NFXL1: variants seen among roughly 807,000 people sequenced by gnomAD.
NFXL1 encodes the protein NF-X1-type zinc finger protein NFXL1.
Under a neutral mutation model 123.3 loss-of-function variants are expected in NFXL1, and 66 were observed. That is an observed-to-expected ratio of 0.54 (90% CI 0.44 to 0.66). NFXL1 has a LOEUF of 0.66. Ranked by LOEUF, NFXL1 falls within the 30% of genes least tolerant of loss-of-function variation. The pLI, the probability that NFXL1 is intolerant of heterozygous loss-of-function variation, is 0.00. For synonymous variants in NFXL1, 346 were observed against 360.8 expected, an observed-to-expected ratio of 0.96 and a Z score of 0.46; for missense variants, 944 against 1,125.6, an observed-to-expected ratio of 0.84 and a Z score of 2.31.
chr4:47,895,412 A>C (rs1737026989), intron 10 of NFXL1, among the ~76,000 whole-genome samples: 1 of 152,212 alleles, frequency 6.6e-6, no homozygotes, highest in African/African-American at 2.4e-5. Context: ...CTCAGTTGAA[A>C]ATCTTTTGTT....
intron 5 of NFXL1, among the ~76,000 whole-genome samples, 157 bp downstream of exon 5, chr4:47,903,036 T>C (rs1319874674): frequency 6.6e-6 from 1 of 152,060 alleles, no homozygotes; most frequent in Non-Finnish European, 1.5e-5. Flanking sequence ...GTGCCTATAA[T>C]CCCAGCTACT....
Position 47,903,282 on chromosome 4 carries a change from G to C in NFXL1, c.558C>G (p.Pro186=). ...TGTCTTTAGCCCACTTCTGGATACA[G>C]GGCATGTGAAATATACAGAAACATC... ...CSGCFCIFHM[P]CIQKWAKDSQ... The change falls in exon 5 of 23, where the codon CCC becomes CCG. Residue 186 remains proline (P), a synonymous_variant. Coordinates refer to ENST00000507489, the MANE Select transcript of NFXL1 (RefSeq NM_001278624.2). 4 of 1,594,434 alleles carry C rather than the reference G, an allele frequency of 2.5e-6. No individual in the cohort carries two copies. The highest frequency in any genetic ancestry group is 3.4e-6 in the Non-Finnish European group (4 of 1,169,722).
intron 8 of NFXL1, 32 bp downstream of exon 8, chr4:47,898,725 A>C: frequency 1.7e-4 from 173 of 1,005,840 alleles, no homozygotes; most frequent in Non-Finnish European, 2.5e-4. Flanking sequence ...GTACTCTTTA[A>C]TACCCACCCC....
intron 3 of NFXL1, 99 bp downstream of exon 3, chr4:47,910,725 G>A (rs1737789686): frequency 3.1e-6 from 2 of 647,858 alleles, no homozygotes; most frequent in South Asian, 2.9e-5. Flanking sequence ...CTCATCTTAA[G>A]ATATAAAATC....
rs768903127 is a variant in NFXL1, at chr4:47,848,296, C to T, written c.2603G>A (p.Arg868Gln). 1.2e-5 allele frequency: 20 copies of T among 1,612,346 alleles called. No homozygotes were observed. The highest frequency in any genetic ancestry group is 1.6e-5 in the Non-Finnish European group (19 of 1,178,992). ...TTCATCTCTTTTCCTGTTCTTCTTC[C>T]GACGACCCTTCAGTCTGTTTTCAAA... ...EAFENRLKGR[R>Q]KKNRKRDEVA... Residue 868 changes from arginine to glutamine, a missense_variant, in exon 23 of 23, where the codon CGG becomes CAG. This residue lies in a region of NFXL1 where 301 missense variants were observed against 348.0 expected (regional missense o/e 0.86). Transcript: ENST00000507489.
At chr4:47,850,901 A>C (rs1368835336) in intron 22 of NFXL1, among the ~76,000 whole-genome samples, 194 bp downstream of exon 22, 2 of 152,050 alleles carry the variant, frequency 1.3e-5, no homozygotes, top group Admixed American at 6.6e-5. Flanking sequence ...AATATATGAG[A>C]TCTCATACCT....
chr4:47,901,653 G>A (rs1045567354), intron 5 of NFXL1, among the ~76,000 whole-genome samples: 1 of 152,118 alleles, frequency 6.6e-6, no homozygotes, highest in African/African-American at 2.4e-5. Context: ...CTAAAAGCCA[G>A]GTCATAAGAG....
At chr4:47,888,879 GACA>G (rs1736609500) in intron 12 of NFXL1, among the ~76,000 whole-genome samples, 2 of 152,220 alleles carry the variant, frequency 1.3e-5, no homozygotes, top group East Asian at 1.9e-4. Flanking sequence ...TTACTTATGA[GACA>G]ACAAGAAATT....
intron 15 of NFXL1, among the ~76,000 whole-genome samples, chr4:47,880,256 T>A (rs1046075193): frequency 1.3e-5 from 2 of 151,268 alleles, no homozygotes; most frequent in African/African-American, 4.9e-5. Flanking sequence ...TTAAAAAAAA[T>A]TAGCTGAACA....
chr4:47,851,076 G>A lies in NFXL1; in HGVS notation c.2562+19C>T, dbSNP rs573645427. 2 of 1,584,348 alleles carry A rather than the reference G, an allele frequency of 1.3e-6. No homozygotes were observed. The highest frequency in any genetic ancestry group is 1.7e-5 in the Admixed American group (1 of 59,904). On this transcript the variant is annotated intron_variant, in intron 22 of 22. Transcript: ENST00000507489. The stretch of plus-strand genomic sequence containing the variant: ...CAATGATGCTAAGAGACATAAATCT[G>A]GGTATTTTGTTTGGTTACCTGTTGT...
rs368443910 is a variant in NFXL1, at chr4:47,892,662, T to C, written c.1452+1518A>G. On this transcript the variant is annotated intron_variant, in intron 11 of 22. Coordinates refer to ENST00000507489, the MANE Select transcript of NFXL1 (RefSeq NM_001278624.2). ...GCCAAATTAGCCCTAAACAAAAGAG[T>C]GTTCCGGTCACACTTAAAAATATCA... 7.9e-5 allele frequency among the ~76,000 whole-genome samples: 12 copies of C among 152,098 alleles called. No individual in the cohort carries two copies. The East Asian group carries it at 2.3e-3, about 29-fold the overall frequency.
chr4:47,899,622 CAG>C (rs1737276549), intron 5 of NFXL1, 74 bp from the exon 6 acceptor site: 1 of 899,986 alleles, frequency 1.1e-6, no homozygotes, highest in Non-Finnish European at 1.8e-6. Flanking sequence ...ATATACTTAA[CAG>C]AGTATATTCT....
chr4:47,872,722 T>G (rs1034370045), intron 18 of NFXL1, among the ~76,000 whole-genome samples: 3 of 152,200 alleles, frequency 2.0e-5, no homozygotes, highest in Non-Finnish European at 4.4e-5. Flanking sequence ...CTGCTAACAC[T>G]CATCTGAGCC....
intron 19 of NFXL1, among the ~76,000 whole-genome samples, chr4:47,857,095 T>C (rs1166496412): frequency 6.6e-6 from 1 of 152,186 alleles, no homozygotes; most frequent in Non-Finnish European, 1.5e-5. Flanking sequence ...ATTTATTATA[T>C]ATTTATTGAT....
chr4:47,881,374 A>G (rs1317111865), intron 15 of NFXL1, among the ~76,000 whole-genome samples: 5 of 152,158 alleles, frequency 3.3e-5, no homozygotes, highest in African/African-American at 4.8e-5. Flanking sequence ...AACACTGACA[A>G]TACCACATGT....
At chr4:47,904,031 A>G (rs1164215711) in intron 4 of NFXL1, among the ~76,000 whole-genome samples, 1 of 152,220 alleles carries the variant, frequency 6.6e-6, no homozygotes, top group Non-Finnish European at 1.5e-5. Context: ...ATATCGCATG[A>G]GCTAACAACA....
At chr4:47,912,444 TTC>T (rs1255158546) in intron 2 of NFXL1, among the ~76,000 whole-genome samples, 2 of 143,764 alleles carry the variant, frequency 1.4e-5, no homozygotes, top group Non-Finnish European at 3.0e-5. Flanking sequence ...AATGCTTGTT[TTC>T]TTTTTCTTTT....
intron 2 of NFXL1, among the ~76,000 whole-genome samples, chr4:47,913,642 C>T (rs1348801529): frequency 1.3e-5 from 2 of 152,188 alleles, no homozygotes; most frequent in Non-Finnish European, 2.9e-5. Context: ...ACATTTAAAA[C>T]TCTGTGTTAA....
chr4:47,891,114 CTT>C (rs374093120), intron 11 of NFXL1, among the ~76,000 whole-genome samples: 33 of 139,994 alleles, frequency 2.4e-4, no homozygotes, highest in African/African-American at 4.7e-4. Context: ...TTCTTTTTTT[CTT>C]TTTTTTTTTT....
Sources: allele counts gnomAD v4.1 joint callset (sites outside exome capture counted in the v4.1 genomes callset), GRCh38; gene constraint gnomAD v4.1.1; regional missense constraint gnomAD v4.1.1; transcripts MANE v1.5; gene names NCBI Gene and HGNC (gene_info 2026-07-23, HGNC 2026-07-21).